Variants in ANO6 observed in about 807,000 individuals in gnomAD.
ANO6 encodes the protein anoctamin-6.
ANO6 carries 106 observed loss-of-function variants against 117.5 expected under a neutral mutation model. The ratio of observed to expected loss-of-function variants is 0.90; its 90% confidence interval spans 0.77 to 1.06. ANO6 has a LOEUF of 1.06. Ranked by LOEUF, ANO6 falls within the 50% of genes least tolerant of loss-of-function variation. The pLI, the probability that ANO6 is intolerant of heterozygous loss-of-function variation, is 0.00. For synonymous variants in ANO6, 367 were observed against 385.1 expected (o/e 0.95, Z 0.55); for missense variants, 955 against 1,121.1 (o/e 0.85, Z 2.12).
intron 2 of ANO6, among the ~76,000 whole-genome samples, chr12:45,328,035 G>C (rs1940531170): frequency 6.6e-6 from 1 of 152,074 alleles, no homozygotes. Flanking sequence ...TCATCATAGA[G>C]TCACAACCAA....
intron 2 of ANO6, among the ~76,000 whole-genome samples, chr12:45,312,358 ATGT>A (rs775430973): frequency 1.3e-5 from 2 of 152,082 alleles, no homozygotes; most frequent in Non-Finnish European, 2.9e-5. Flanking sequence ...TGGATGTAAA[ATGT>A]TGTAATAAAA....
rs531410254 is a variant in ANO6 at position 45,352,591 on chromosome 12, C to T, written c.863+1817C>T. ...AAAAAAAAAAAAAAAAAGCCAGGCA[C>T]GATGGCTCTCACACCTGTAGTCCCA... On this transcript the variant is annotated intron_variant, in intron 7 of 19. Transcript: ENST00000320560. Among the ~76,000 whole-genome samples the T allele has an allele frequency of 3.4e-5, 5 of 146,720 alleles. No homozygotes were observed. In the South Asian group the frequency reaches 8.7e-4, roughly 26 times the overall value.
chr12:45,401,525 A>G (rs1222351776), intron 12 of ANO6, among the ~76,000 whole-genome samples: 1 of 152,178 alleles, frequency 6.6e-6, no homozygotes, highest in Non-Finnish European at 1.5e-5. Flanking sequence ...TTGCACATAA[A>G]ATAGTTTCCA....
At chr12:45,433,457 G>C (rs1157150979), downstream of ANO6, among the ~76,000 whole-genome samples, 1 of 152,308 alleles carries the variant, frequency 6.6e-6, no homozygotes, top group Admixed American at 6.5e-5. Context: ...ACTGGGGTTG[G>C]TCAGGAGGGA....
At chr12:45,236,842 C>A (rs1299638144) in intron 1 of ANO6, among the ~76,000 whole-genome samples, 2 of 152,122 alleles carry the variant, frequency 1.3e-5, no homozygotes, top group African/African-American at 4.8e-5. Context: ...TTCACTCCCA[C>A]CAACAGTGTA....
At chr12:45,297,662 T>C (rs1939338943) in intron 1 of ANO6, among the ~76,000 whole-genome samples, 1 of 152,200 alleles carries the variant, frequency 6.6e-6, no homozygotes, top group African/African-American at 2.4e-5. Flanking sequence ...TCAGAAGCAG[T>C]ACCACCAAGG....
chr12:45,296,511 A>G lies in ANO6; in HGVS notation c.71-5503A>G, dbSNP rs149880339. 4.9e-4 allele frequency among the ~76,000 whole-genome samples: 75 copies of G among 151,856 alleles called. 3 individuals carry two copies. The East Asian group carries it at 0.013, about 26-fold the overall frequency. ...GCGAATGCTATATAAATTTCACTACATTGTTTTTTTCTTTTTTTTCTTTTT... is the reference window on the plus strand; with the variant it reads ...GCGAATGCTATATAAATTTCACTACGTTGTTTTTTTCTTTTTTTTCTTTTT... On this transcript the variant is annotated intron_variant, in intron 1 of 19. Coordinates refer to ENST00000320560, the MANE Select transcript of ANO6 (RefSeq NM_001025356.3).
At chr12:45,228,316 T>TC in intron 1 of ANO6, 1 of 292,598 alleles carries the variant, frequency 3.4e-6, no homozygotes, top group Non-Finnish European at 6.3e-6. Context: ...TTTTTTTTTT[T>TC]TATTATTAGA....
chr12:45,376,734 G>C (rs1274573982), intron 9 of ANO6, among the ~76,000 whole-genome samples: 1 of 150,818 alleles, frequency 6.6e-6, no homozygotes, highest in East Asian at 1.9e-4. Context: ...GATAGCATTG[G>C]GAGGTATACC....
chr12:45,290,326 A>G (rs1939054117), intron 1 of ANO6, among the ~76,000 whole-genome samples: 1 of 152,098 alleles, frequency 6.6e-6, no homozygotes, highest in South Asian at 2.1e-4. Context: ...CTGGTTTTGA[A>G]ATCAGGCCTA....
At chr12:45,281,654 A>G (rs1938739160) in intron 1 of ANO6, among the ~76,000 whole-genome samples, 1 of 152,322 alleles carries the variant, frequency 6.6e-6, no homozygotes, top group East Asian at 1.9e-4. Flanking sequence ...CCCATGGTCC[A>G]TTACCTCCCA....
intron 2 of ANO6, among the ~76,000 whole-genome samples, chr12:45,317,113 G>GTGTGTGTATATATATATATATATATA: frequency 0.049 from 3,267 of 66,012 alleles, 1,211 homozygotes; most frequent in Middle Eastern, 0.11. Context: ...CTTTTTATAT[G>GTGTGTGTATATATATATATATATATA]TATATATATA....
At chr12:45,353,424 G>T (rs763301462) in intron 7 of ANO6, among the ~76,000 whole-genome samples, 3 of 152,190 alleles carry the variant, frequency 2.0e-5, no homozygotes, top group Non-Finnish European at 4.4e-5. Context: ...AATAGCATCT[G>T]ATAACAGAGT....
At position 45,422,988 on chromosome 12, in the gene ANO6, C is replaced by A. The variant is rs753085005; in HGVS notation, c.2452C>A (p.Pro818Thr). 3 of 1,613,892 alleles carry A rather than the reference C, an allele frequency of 1.9e-6. No individual in the cohort carries two copies. The highest frequency in any genetic ancestry group is 2.7e-5 in the African/African-American group (2 of 75,014). The change falls in exon 19 of 20, where the codon CCC (proline) becomes ACC (threonine). Residue 818 changes from proline to threonine, a missense_variant. By Grantham distance (38) the Pro-to-Thr change is conservative. Transcript: ENST00000320560. ...TGATTTCCGATACCCACCTGGACAC[C>A]CCCAGGAGTATAAACACAACATCTA... ...YRDFRYPPGH[P>T]QEYKHNIYYW...
At position 45,421,107 on chromosome 12, in the gene ANO6, C is replaced by T. The variant is rs768726762; in HGVS notation, c.2254C>T (p.Arg752Cys). The change falls in exon 18 of 20, where the codon CGC becomes TGC. Residue 752 changes from arginine to cysteine, a missense_variant. Arg to Cys is a radical substitution (Grantham distance 180). Coordinates refer to ENST00000320560, the MANE Select transcript of ANO6 (RefSeq NM_001025356.3). The stretch of plus-strand genomic sequence containing the variant: ...AGCTTTCACGTCGGACATGATCCCC[C>T]GCCTAGTGTACTACTGGTCCTTCTC... The part of the protein sequence containing the change: ...IIAFTSDMIP[R>C]LVYYWSFSVP... 1.4e-5 allele frequency: 22 copies of T among 1,614,096 alleles called. No homozygotes were observed. The highest frequency in any genetic ancestry group is 1.2e-4 in the Admixed American group (7 of 59,998).
At chr12:45,223,559 TCA>T (rs1947437710) in intron 1 of ANO6, among the ~76,000 whole-genome samples, 1 of 152,342 alleles carries the variant, frequency 6.6e-6, no homozygotes, top group African/African-American at 2.4e-5. Flanking sequence ...CCCAAAGTGC[TCA>T]CAATGAATTC....
chr12:45,436,965 CA>C (rs918232194), downstream of ANO6, among the ~76,000 whole-genome samples: 4 of 150,484 alleles, frequency 2.7e-5, no homozygotes, highest in African/African-American at 4.9e-5. Context: ...AAACTCTGTC[CA>C]AAAAAAAAGA....
At chr12:45,334,546 T>G (rs1227659805) in intron 3 of ANO6, among the ~76,000 whole-genome samples, 3 of 151,998 alleles carry the variant, frequency 2.0e-5, no homozygotes, top group African/African-American at 7.2e-5. Flanking sequence ...GGAAGGGCCC[T>G]TTGCAGATTT....
In ANO6 at chr12:45,331,282, C is replaced by T. The variant is rs1437498642; in HGVS notation, c.151-13C>T. ...AAATTATATATTACAATTTGTTTTT[C>T]TGTTTTACACAGGAAGAATTTAATG... is the stretch of plus-strand genomic sequence containing the variant. On this transcript the variant is annotated splice_polypyrimidine_tract_variant and intron_variant, in intron 2 of 19. Coordinates refer to ENST00000320560, the MANE Select transcript of ANO6 (RefSeq NM_001025356.3). 6.3e-7 allele frequency: 1 copy of T among 1,597,894 alleles called. No individual in the cohort carries two copies. Among genetic ancestry groups the T allele is most frequent in the East Asian group, 2.2e-5 (1 of 44,534 alleles).
Sources: allele counts gnomAD v4.1 joint callset (sites outside exome capture counted in the v4.1 genomes callset), GRCh38; gene constraint gnomAD v4.1.1; transcripts MANE v1.5; gene names NCBI Gene and HGNC (gene_info 2026-07-23, HGNC 2026-07-21).